GPC5: variants seen among roughly 807,000 people sequenced by gnomAD.
GPC5 encodes glypican-5.
A neutral mutation model predicts 53.9 loss-of-function variants in GPC5; 47 were observed. The observed-to-expected ratio is 0.87, with a 90% CI of 0.69 to 1.11. GPC5 has a LOEUF of 1.11. Among genes scored for constraint, GPC5 ranks in the 50% most tolerant of loss-of-function variants. GPC5 has a pLI of 0.00. For synonymous variants in GPC5, 286 were observed against 263.3 expected (o/e 1.09, Z -0.84); for missense variants, 748 against 713.1 (o/e 1.05, Z -0.56).
chr13:91,478,230 A>G (rs1417878054), intron 2 of GPC5, among the ~76,000 whole-genome samples: 1 of 152,192 alleles, frequency 6.6e-6, no homozygotes, highest in African/African-American at 2.4e-5. Context: ...AAGGGAATCA[A>G]TCTACTAAAA....
intron 6 of GPC5, among the ~76,000 whole-genome samples, chr13:92,048,094 A>G (rs2040997961): frequency 6.6e-6 from 1 of 152,050 alleles, no homozygotes; most frequent in African/African-American, 2.4e-5. Context: ...GACGATAGAT[A>G]ACATTATACT....
intron 7 of GPC5, among the ~76,000 whole-genome samples, chr13:92,291,241 C>T (rs573432512): frequency 4.6e-5 from 7 of 152,280 alleles, no homozygotes; most frequent in African/African-American, 1.4e-4. Context: ...GCGCATGGCA[C>T]GGGACTGACA....
Position 92,211,284 on chromosome 13 carries a change from G to A in GPC5, c.1561+66295G>A, listed in dbSNP as rs893619169. Reference sequence around the variant, plus strand: ...AACAAGCACAATGGGTGTTTTATATGTTTTCTAAAAGTCAGTTTTATTAAA... The same window carrying A: ...AACAAGCACAATGGGTGTTTTATATATTTTCTAAAAGTCAGTTTTATTAAA... On this transcript the variant is annotated intron_variant, in intron 7 of 7. Transcript: ENST00000377067. 2.0e-5 allele frequency among the ~76,000 whole-genome samples: 3 copies of A among 152,238 alleles called. No homozygotes were observed. In the South Asian group the frequency reaches 6.2e-4, roughly 32 times the overall value.
At chr13:91,529,133 C>T (rs1886221351) in intron 2 of GPC5, among the ~76,000 whole-genome samples, 1 of 152,206 alleles carries the variant, frequency 6.6e-6, no homozygotes, top group Non-Finnish European at 1.5e-5. Context: ...CTTTTGGCTT[C>T]TAGAATAAGG....
chr13:91,840,769 G>T (rs570313265), intron 5 of GPC5, among the ~76,000 whole-genome samples: 76 of 149,820 alleles, frequency 5.1e-4, no homozygotes, highest in Non-Finnish European at 8.6e-4. Context: ...TAAAAAACAT[G>T]TTTAGATCTT....
chr13:91,979,383 A>C (rs2040336918), intron 6 of GPC5, among the ~76,000 whole-genome samples: 1 of 152,224 alleles, frequency 6.6e-6, no homozygotes, highest in South Asian at 2.1e-4. Flanking sequence ...TTTTAAGTTT[A>C]CATTAAAGCA....
intron 3 of GPC5, among the ~76,000 whole-genome samples, chr13:91,726,450 A>G (rs345492): frequency 0.69 from 105,346 of 152,024 alleles, 37,641 homozygotes; most frequent in Non-Finnish European, 0.79. Context: ...CTTTTATCTA[A>G]AAAATAAAGC....
chr13:92,339,025 T>G (rs934485063), intron 7 of GPC5, among the ~76,000 whole-genome samples: 7 of 152,120 alleles, frequency 4.6e-5, no homozygotes, highest in Admixed American at 6.6e-5. Flanking sequence ...CCTCTCCATT[T>G]TTGCTGTAAC....
chr13:92,603,225 G>A (rs1450741327), intron 7 of GPC5, among the ~76,000 whole-genome samples: 1 of 152,168 alleles, frequency 6.6e-6, no homozygotes, highest in Non-Finnish European at 1.5e-5. Flanking sequence ...CATGAAATTA[G>A]GTCCTTGGGA....
intron 7 of GPC5, among the ~76,000 whole-genome samples, chr13:92,799,279 G>T (rs1310660481): frequency 6.6e-6 from 1 of 151,696 alleles, no homozygotes; most frequent in East Asian, 1.9e-4. Flanking sequence ...TAAAGCTACT[G>T]TGTAACTTCA....
chr13:92,631,349 T>A (rs532093477), intron 7 of GPC5, among the ~76,000 whole-genome samples: 41 of 152,060 alleles, frequency 2.7e-4, no homozygotes, highest in African/African-American at 8.9e-4. Flanking sequence ...GCCAAGTTTA[T>A]TTTTTTTCTC....
At chr13:91,951,096 G>T (rs964373864) in intron 6 of GPC5, among the ~76,000 whole-genome samples, 1 of 152,106 alleles carries the variant, frequency 6.6e-6, no homozygotes, top group South Asian at 2.1e-4. Flanking sequence ...GAGAGTGATT[G>T]AATTATCTGT....
intron 5 of GPC5, among the ~76,000 whole-genome samples, chr13:91,805,031 C>T (rs2038197640): frequency 6.6e-6 from 1 of 152,198 alleles, no homozygotes; most frequent in Admixed American, 6.5e-5. Context: ...TTTTGCTTCT[C>T]TGAACCACAT....
chr13:92,764,512 G>C (rs1875317706), intron 7 of GPC5, among the ~76,000 whole-genome samples: 1 of 152,322 alleles, frequency 6.6e-6, no homozygotes, highest in South Asian at 2.1e-4. Context: ...GAAGTCCCCA[G>C]TGGTGAGGAC....
At chr13:92,723,448 C>T (rs1257020322) in intron 7 of GPC5, among the ~76,000 whole-genome samples, 1 of 88,368 alleles carries the variant, frequency 1.1e-5, no homozygotes, top group Non-Finnish European at 2.3e-5. Context: ...TTATTACAGC[C>T]ATATTGGTAA....
chr13:92,090,898 TG>T (rs1397637700), intron 6 of GPC5, among the ~76,000 whole-genome samples: 52 of 152,340 alleles, frequency 3.4e-4, no homozygotes, highest in South Asian at 1.0e-3. Flanking sequence ...TGCATCTCCA[TG>T]ATGGGATTAG....
At chr13:91,662,290 T>A (rs186686659) in intron 2 of GPC5, among the ~76,000 whole-genome samples, 1 of 151,380 alleles carries the variant, frequency 6.6e-6, no homozygotes, top group African/African-American at 2.4e-5. Flanking sequence ...GAGGAGGGAA[T>A]GAGAGACCGC....
At chr13:92,489,469 T>A (rs1879679776) in intron 7 of GPC5, among the ~76,000 whole-genome samples, 1 of 152,106 alleles carries the variant, frequency 6.6e-6, no homozygotes, top group Non-Finnish European at 1.5e-5. Context: ...GTAATTTGCA[T>A]AAAAATTGTG....
intron 6 of GPC5, among the ~76,000 whole-genome samples, chr13:92,108,064 C>A (rs1042527417): frequency 6.6e-6 from 1 of 152,124 alleles, no homozygotes; most frequent in African/African-American, 2.4e-5. Context: ...CTGCATCTGA[C>A]CTGTGTATTC....
Sources: allele counts gnomAD v4.1 joint callset (sites outside exome capture counted in the v4.1 genomes callset), GRCh38; gene constraint gnomAD v4.1.1; transcripts MANE v1.5; gene names NCBI Gene and HGNC (gene_info 2026-07-23, HGNC 2026-07-21).